Variants in FANCA observed in about 807,000 individuals in gnomAD.
FANCA encodes the protein Fanconi anemia group A protein.
FANCA carries 236 observed loss-of-function variants against 194.3 expected under a neutral mutation model. The ratio of observed to expected loss-of-function variants is 1.21; its 90% CI spans 1.09 to 1.35. The LOEUF (loss-of-function observed/expected upper bound fraction) is 1.35. Ranked by LOEUF, FANCA falls within the 40% of genes most tolerant of loss-of-function variation. FANCA has a pLI of 0.00. For missense variants in FANCA, 2,628 were observed against 1,813.9 expected, an observed-to-expected ratio of 1.45 and a Z score of -8.15; for synonymous variants, 1,014 against 715.8, an observed-to-expected ratio of 1.42 and a Z score of -6.65.
intron 35 of FANCA, 88 bp from the exon 36 acceptor site, chr16:89,745,159 T>C: frequency 8.7e-7 from 1 of 1,149,978 alleles, no homozygotes; most frequent in Non-Finnish European, 1.3e-6. Context: ...CCAGTGCTCC[T>C]ACAGGCCACT....
intron 12 of FANCA, 77 bp downstream of exon 12, chr16:89,792,394 C>A (rs994060610): frequency 6.9e-6 from 10 of 1,455,060 alleles, no homozygotes; most frequent in African/African-American, 2.8e-5. Flanking sequence ...CCACGGCAGG[C>A]AGCATGACAA....
In FANCA at chr16:89,769,848, G is replaced by A. The variant is rs759872539; in HGVS notation, c.2493C>T (p.Phe831=). Reference sequence around the variant, plus strand: ...GAAGAAGAGCTCACTTCAGGCAGAAGAACAAGGAATCCCTCGTCCTACAGG... The same window carrying A: ...GAAGAAGAGCTCACTTCAGGCAGAAAAACAAGGAATCCCTCGTCCTACAGG... ...LLTCRTRDSL[F]FCLKFCTAAI... is the part of the protein sequence containing the mutation. The change falls in exon 26 of 43, where the codon TTC becomes TTT. Residue 831 remains phenylalanine, a synonymous_variant. Coordinates refer to ENST00000389301, the MANE Select transcript of FANCA (RefSeq NM_000135.4). The A allele has an allele frequency of 1.2e-6, 2 of 1,614,096 alleles. No homozygotes were observed. Among genetic ancestry groups the A allele is most frequent in the Non-Finnish European group, 1.7e-6 (2 of 1,180,020 alleles).
At position 89,769,945 on chromosome 16, in the gene FANCA, G is replaced by T; in HGVS notation, c.2396C>A (p.Pro799Gln). The T allele has an allele frequency of 6.2e-7, 1 of 1,614,032 alleles. No homozygotes were observed. The highest frequency in any genetic ancestry group is 8.5e-7 in the Non-Finnish European group (1 of 1,179,982). The change falls in exon 26 of 43, where the codon CCA (proline) becomes CAA (glutamine). Residue 799 changes from proline (P) to glutamine (Q), a missense_variant. Transcript: ENST00000389301. ...VHLGESRSAL[P>Q]EVDVGPPAPG... ...TGCAGGAGGACCCACATCCACCTCT[G>T]GGAGCGCAGACCTGGACTCACCCAG...
Position 89,738,513 on chromosome 16 carries a change from C to T in FANCA, c.*88G>A, listed in dbSNP as rs1287212835. ...TAAAGCAGTCGAGGAGATTTGTAATCCACTTTTTAGTGCAACAAGAGCTCC... is the reference window on the plus strand; with the variant it reads ...TAAAGCAGTCGAGGAGATTTGTAATTCACTTTTTAGTGCAACAAGAGCTCC... On this transcript the variant is annotated 3_prime_UTR_variant, in exon 43 of 43. Coordinates refer to ENST00000389301, the MANE Select transcript of FANCA (RefSeq NM_000135.4). 1.9e-6 allele frequency: 3 copies of T among 1,588,158 alleles called. No homozygotes were observed. Among genetic ancestry groups the T allele is most frequent in the East Asian group, 2.2e-5 (1 of 44,768 alleles).
Position 89,816,453 on chromosome 16 carries a change from C to T in FANCA, c.79+84G>A, listed in dbSNP as rs899781533. ...CGTCCGGGGATCCGACCGGCGGAGG[C>T]TCTGGCGGGAAGGGATCGGGGAACC... is the stretch of plus-strand genomic sequence containing the variant. On this transcript the variant is annotated intron_variant, in intron 1 of 42. Transcript: ENST00000389301. The T allele has an allele frequency of 4.8e-6, 6 of 1,237,192 alleles. No individual in the cohort carries two copies. The South Asian group carries it at 5.2e-5, about 11-fold the overall frequency. 76.6% of individuals were successfully genotyped at this position (1,237,192 alleles called of 1,614,324 possible).
intron 28 of FANCA, 100 bp from the exon 29 acceptor site, chr16:89,762,122 T>G: frequency 1.1e-6 from 1 of 882,942 alleles, no homozygotes; most frequent in Non-Finnish European, 1.9e-6. Context: ...TACGCAGTCC[T>G]CCATGTCCCT....
Position 89,773,374 on chromosome 16 carries a change from C to A in FANCA, c.1911G>T (p.Leu637=). The A allele has an allele frequency of 6.4e-7, 1 of 1,550,476 alleles. No homozygotes were observed. Among genetic ancestry groups the A allele is most frequent in the Non-Finnish European group, 8.7e-7 (1 of 1,146,058 alleles). Reference sequence around the variant, plus strand: ...CAGAGTTGGGTTCTGCCCTCACTCCCAGGGCTGCATCTGTGAGAAGAAGGA... The same window carrying A: ...CAGAGTTGGGTTCTGCCCTCACTCCAAGGGCTGCATCTGTGAGAAGAAGGA... The part of the protein sequence containing the change: ...AAEEKPEDAA[L]GVRAEPNSAE... Residue 637 remains leucine (L), a synonymous_variant, in exon 22 of 43, where the codon CTG becomes CTT. Transcript: ENST00000389301.
intron 36 of FANCA, 119 bp downstream of exon 36, chr16:89,744,840 C>G: frequency 1.1e-6 from 1 of 918,676 alleles, no homozygotes; most frequent in Middle Eastern, 2.2e-4. Context: ...TCTCCCTGCT[C>G]ACACGAGAGG....
chr16:89,780,539 G>A (rs1158810462), intron 17 of FANCA, among the ~76,000 whole-genome samples: 1 of 151,724 alleles, frequency 6.6e-6, no homozygotes, highest in Non-Finnish European at 1.5e-5. Context: ...TGGAAGGATT[G>A]CCTGTGCCCA....
At chr16:89,768,693 C>A (rs546265646) in intron 26 of FANCA, among the ~76,000 whole-genome samples, 14 of 151,304 alleles carry the variant, frequency 9.3e-5, no homozygotes, top group South Asian at 2.1e-4. Context: ...AAAAAAAAAA[C>A]AAAACACACA....
chr16:89,815,796 T>G, intron 2 of FANCA, 81 bp downstream of exon 2: 1 of 1,167,762 alleles, frequency 8.6e-7, no homozygotes, highest in East Asian at 2.3e-5. Flanking sequence ...TCGGGTGTTT[T>G]CTTAGGAAAG....
chr16:89,769,398 C>G (rs759196401), intron 26 of FANCA, among the ~76,000 whole-genome samples: 1 of 152,158 alleles, frequency 6.6e-6, no homozygotes, highest in Admixed American at 6.5e-5. Context: ...CCTTCCTCAC[C>G]TCAGCACATG....
intron 33 of FANCA, among the ~76,000 whole-genome samples, chr16:89,747,972 G>A (rs2038448649): frequency 1.3e-5 from 2 of 152,142 alleles, no homozygotes; most frequent in African/African-American, 4.8e-5. Flanking sequence ...GAGTGTAGTG[G>A]TGGGATCTTG....
intron 22 of FANCA, among the ~76,000 whole-genome samples, chr16:89,772,951 C>A (rs1023227684): frequency 6.6e-6 from 1 of 152,128 alleles, no homozygotes; most frequent in African/African-American, 2.4e-5. Flanking sequence ...GATGTGACAT[C>A]GACTCCGGCA....
In FANCA at chr16:89,775,812, T is replaced by C. The variant is rs1800338; in HGVS notation, c.1830A>G (p.Ala610=). ...RVAFIESLKR[A]DKIPPSLYST... is the part of the protein sequence containing the mutation. ...AGTACAGAGATGGGGGGATTTTATC[T>C]GCTCTGGATCACAGGAAAACAATAC... Residue 610 remains alanine, a synonymous_variant, in exon 21 of 43, where the codon GCA becomes GCG. Transcript: ENST00000389301. The C allele has an allele frequency of 2.4e-3, 3,810 of 1,609,898 alleles. 6 individuals are homozygous for C. Among genetic ancestry groups the C allele is most frequent in the Non-Finnish European group, 2.9e-3 (3,437 of 1,177,206 alleles).
intron 3 of FANCA, among the ~76,000 whole-genome samples, chr16:89,812,267 G>GGC (rs1451617895): frequency 4.0e-5 from 6 of 150,022 alleles, no homozygotes; most frequent in African/African-American, 1.5e-4. Flanking sequence ...GAACCCAGGA[G>GGC]GCGGAGTTTG....
At chr16:89,741,819 A>G (rs1056165707) in intron 37 of FANCA, among the ~76,000 whole-genome samples, 1 of 152,168 alleles carries the variant, frequency 6.6e-6, no homozygotes, top group Admixed American at 6.6e-5. Context: ...ACATGAATCA[A>G]GGCTACTGCA....
chr16:89,744,588 G>T, intron 36 of FANCA: 1 of 348,816 alleles, frequency 2.9e-6, no homozygotes. Context: ...AGGTGCAAAG[G>T]AATCACTCGA....
intron 6 of FANCA, among the ~76,000 whole-genome samples, chr16:89,807,037 C>T (rs2040682051): frequency 6.6e-6 from 1 of 152,140 alleles, no homozygotes; most frequent in Non-Finnish European, 1.5e-5. Flanking sequence ...CTTAATCTAA[C>T]TTGTTCTACC....
Sources: gnomAD v4.1 joint callset for allele counts (sites outside exome capture counted in the v4.1 genomes callset) on GRCh38, gnomAD v4.1.1 for gene constraint, MANE v1.5 for transcripts, NCBI Gene and HGNC (gene_info 2026-07-23, HGNC 2026-07-21) for gene names.